The following OCA2 variants were observed in gnomAD, a reference collection of about 807,000 sequenced individuals.
OCA2 encodes the protein P protein.
In OCA2, 77 loss-of-function variants were observed where a neutral mutation model predicts 100.2. The observed-to-expected ratio is 0.77, with a 90% CI of 0.64 to 0.93. The LOEUF (loss-of-function observed/expected upper bound fraction) is 0.93, where lower values mean the gene tolerates loss of function less well. OCA2 is among the 40% of genes least tolerant of loss of function. The pLI, the probability that OCA2 is intolerant of heterozygous loss-of-function variation, is 0.00. For synonymous variants in OCA2, 432 were observed against 439.2 expected (o/e 0.98, Z 0.21); for missense variants, 1,062 against 1,089.1 (o/e 0.98, Z 0.35).
In OCA2 at chr15:28,014,795, T is replaced by C. The variant is rs142931246; in HGVS notation, c.1025A>G (p.Tyr342Cys). 619 of 1,613,560 alleles carry C rather than the reference T, an allele frequency of 3.8e-4. No homozygotes were observed. The highest frequency in any genetic ancestry group is 5.0e-4 in the Non-Finnish European group (591 of 1,179,978). The change falls in exon 9 of 24, where the codon TAC (tyrosine) becomes TGC (cysteine). Residue 342 changes from tyrosine (Y) to cysteine (C), a missense_variant. Transcript: ENST00000354638. ...AGTTACCTCAAATATGATCAGCGCG[T>C]AGACGCCCGCGAGGATGGCCGTCGC... is the stretch of plus-strand genomic sequence containing the variant. ...TIATAILAGV[Y>C]ALIIFEIVHR...
rs1491244735 is a variant in OCA2, at chr15:27,913,891, G to GAA, written c.2079+12234_2079+12235dup. Reference sequence around the variant, plus strand: ...AGAAAGAAAGAAAGAAAGAAAGAAAGAAAGCAAGCAAGCAAGCAAGCAAGC... The same window carrying GAA: ...AGAAAGAAAGAAAGAAAGAAAGAAAGAAAAAGCAAGCAAGCAAGCAAGCAAGC... On this transcript the variant is annotated intron_variant, in intron 19 of 23. Coordinates refer to ENST00000354638, the MANE Select transcript of OCA2 (RefSeq NM_000275.3). Among the ~76,000 whole-genome samples, 337 of 42,014 alleles carry GAA rather than the reference G, an allele frequency of 8.0e-3. 9 individuals carry two copies. The highest frequency in any genetic ancestry group is 0.019 in the East Asian group (5 of 266). The allele number at this position is 42,014 out of a possible 152,430, so 27.6% of individuals were successfully genotyped here.
chr15:28,048,927 G>A (rs940126774), intron 2 of OCA2, among the ~76,000 whole-genome samples: 5 of 152,000 alleles, frequency 3.3e-5, no homozygotes, highest in African/African-American at 4.8e-5. Flanking sequence ...GCCTGAACCC[G>A]GGAGACAGAG....
intron 2 of OCA2, among the ~76,000 whole-genome samples, chr15:28,063,873 G>T (rs1476212714): frequency 2.0e-5 from 3 of 152,126 alleles, no homozygotes; most frequent in Non-Finnish European, 4.4e-5. Context: ...TTCCTATACA[G>T]ATTTCTTTAC....
chr15:27,744,261 G>C, the OCA2 span, among the ~76,000 whole-genome samples: 2 of 152,186 alleles, frequency 1.3e-5, no homozygotes, highest in African/African-American at 4.8e-5. Context: ...TCTTTCAAAA[G>C]TTGATAAATT....
At chr15:28,042,643 GTAAATAAATAAATAATAAA>G (rs67957887) in intron 2 of OCA2, among the ~76,000 whole-genome samples, 48,929 of 150,704 alleles carry the variant, frequency 0.32, 11,694 homozygotes, top group East Asian at 0.88. Flanking sequence ...CTGTCTCAAA[GTAAATAAATAAATAATAAA>G]TAAATAAATA....
the OCA2 span, among the ~76,000 whole-genome samples, chr15:27,726,896 T>TA: frequency 3.3e-5 from 5 of 152,228 alleles, no homozygotes; most frequent in Admixed American, 6.5e-5. Context: ...ACCTGAATCT[T>TA]AAACAGTGAA....
intron 14 of OCA2, among the ~76,000 whole-genome samples, chr15:27,976,966 T>C (rs2040988904): frequency 1.3e-5 from 2 of 152,180 alleles, no homozygotes; most frequent in South Asian, 4.1e-4. Flanking sequence ...TCAGGTTACC[T>C]ACTTCTTCTT....
At chr15:27,989,310 A>G (rs1480674767) in intron 11 of OCA2, among the ~76,000 whole-genome samples, 3 of 118,314 alleles carry the variant, frequency 2.5e-5, no homozygotes, top group Non-Finnish European at 6.5e-5. Flanking sequence ...TTTATTTGGG[A>G]TAGTCCATTT....
chr15:27,751,762 A>G (rs2030072542), downstream of OCA2, among the ~76,000 whole-genome samples: 1 of 152,274 alleles, frequency 6.6e-6, no homozygotes, highest in African/African-American at 2.4e-5. Context: ...TAGGAGTGCA[A>G]ACCTCAGGAT....
chr15:27,954,674 G>A (rs1435968023), intron 17 of OCA2, among the ~76,000 whole-genome samples: 1 of 151,594 alleles, frequency 6.6e-6, no homozygotes, highest in Non-Finnish European at 1.5e-5. Context: ...GGCTGAGAAA[G>A]TCCACCCCCA....
chr15:27,830,525 T>C (rs1396487798), intron 23 of OCA2, among the ~76,000 whole-genome samples: 1 of 152,192 alleles, frequency 6.6e-6, no homozygotes, highest in Non-Finnish European at 1.5e-5. Flanking sequence ...GAAAGTGATA[T>C]AGTTAAAAAG....
At chr15:27,877,990 G>A (rs905678208) in intron 19 of OCA2, among the ~76,000 whole-genome samples, 20 of 149,848 alleles carry the variant, frequency 1.3e-4, no homozygotes, top group African/African-American at 4.9e-4. Context: ...TTATTATTAA[G>A]TATTAAATAT....
In OCA2 at chr15:27,971,113, G is replaced by T. The variant is rs756918473; in HGVS notation, c.1504-4291C>A. ...GCATGCCCGGCATGGTGAGAACACG[G>T]AAAGAACCTCCCAGCATGCAAGACA... is the stretch of plus-strand genomic sequence containing the variant. On this transcript the variant is annotated intron_variant, in intron 14 of 23. Coordinates refer to ENST00000354638, the MANE Select transcript of OCA2 (RefSeq NM_000275.3). 7.4e-5 allele frequency among the ~76,000 whole-genome samples: 11 copies of T among 148,210 alleles called. No individual in the cohort carries two copies. The East Asian group carries it at 2.0e-3, about 28-fold the overall frequency.
chr15:27,808,626 G>GA (rs1378327253), intron 23 of OCA2, among the ~76,000 whole-genome samples: 1 of 152,132 alleles, frequency 6.6e-6, no homozygotes, highest in Non-Finnish European at 1.5e-5. Flanking sequence ...TGGATATTTA[G>GA]AAAAACGTGA....
At chr15:27,907,098 G>T (rs116274758) in intron 19 of OCA2, among the ~76,000 whole-genome samples, 1 of 152,008 alleles carries the variant, frequency 6.6e-6, no homozygotes, top group Non-Finnish European at 1.5e-5. Flanking sequence ...CCAACACTGC[G>T]ATCAAATTTC....
intron 23 of OCA2, among the ~76,000 whole-genome samples, chr15:27,832,388 A>G (rs2034996432): frequency 6.6e-6 from 1 of 152,218 alleles, no homozygotes; most frequent in Non-Finnish European, 1.5e-5. Context: ...TCCTGCTTAA[A>G]GCCCTTCCCT....
intron 23 of OCA2, among the ~76,000 whole-genome samples, chr15:27,805,331 C>T (rs960544205): frequency 2.0e-5 from 3 of 152,234 alleles, no homozygotes; most frequent in Non-Finnish European, 2.9e-5. Flanking sequence ...GGGCTGCTCC[C>T]GCAGGCAGGG....
At chr15:28,074,112 G>A (rs576922341) in intron 2 of OCA2, among the ~76,000 whole-genome samples, 9 of 152,128 alleles carry the variant, frequency 5.9e-5, no homozygotes, top group East Asian at 1.9e-4. Flanking sequence ...AAGTGGCATC[G>A]AATAGCCAAA....
the OCA2 span, among the ~76,000 whole-genome samples, chr15:27,720,455 TTA>T: frequency 8.7e-5 from 13 of 150,150 alleles, no homozygotes; most frequent in Admixed American, 6.7e-4. Context: ...ATTCATCTGT[TTA>T]TATATATATG....
Sources: gnomAD v4.1 joint callset for allele counts (sites outside exome capture counted in the v4.1 genomes callset) on GRCh38, gnomAD v4.1.1 for gene constraint, MANE v1.5 for transcripts, NCBI Gene and HGNC (gene_info 2026-07-23, HGNC 2026-07-21) for gene names.